The following FGF14 variants were observed in gnomAD, a reference collection of about 807,000 sequenced individuals.
FGF14 encodes the protein fibroblast growth factor homologous factor 4.
FGF14 carries 5 observed loss-of-function variants against 25.5 expected under a neutral mutation model. The ratio of observed to expected loss-of-function variants is 0.20; its 90% CI spans 0.10 to 0.41. The LOEUF is 0.41. Ranked by LOEUF, FGF14 falls within the 10% of genes least tolerant of loss-of-function variation. FGF14 has a pLI of 1.00. For missense variants in FGF14, 222 were observed against 320.1 expected (o/e 0.69, Z 2.34); for synonymous variants, 138 against 118.3 (o/e 1.17, Z -1.08).
chr13:102,096,999 ACTGT>A (rs1200118299), intron 1 of FGF14, among the ~76,000 whole-genome samples: 3 of 151,356 alleles, frequency 2.0e-5, no homozygotes, highest in African/African-American at 4.9e-5. Flanking sequence ...CAATGAAATA[ACTGT>A]CTGCTTCAGG....
chr13:102,129,254 AAAAG>A (rs370437878), intron 1 of FGF14, among the ~76,000 whole-genome samples: 262 of 152,036 alleles, frequency 1.7e-3, no homozygotes, highest in Non-Finnish European at 3.1e-3. Flanking sequence ...CATCTCAAAA[AAAAG>A]AAAGAAAGAA....
At chr13:102,073,279 A>G (rs896842988) in intron 1 of FGF14, among the ~76,000 whole-genome samples, 3 of 152,162 alleles carry the variant, frequency 2.0e-5, no homozygotes, top group Non-Finnish European at 4.4e-5. Flanking sequence ...AACAAAAATT[A>G]AATAAATTGT....
intron 3 of FGF14, among the ~76,000 whole-genome samples, chr13:101,776,197 A>C (rs2039092643): frequency 6.6e-6 from 1 of 152,170 alleles, no homozygotes; most frequent in Non-Finnish European, 1.5e-5. Context: ...TTTCTGCATC[A>C]TCTCTCTGAG....
chr13:102,364,104 A>T (rs550487653), intron 1 of FGF14, among the ~76,000 whole-genome samples: 55 of 152,336 alleles, frequency 3.6e-4, no homozygotes, highest in African/African-American at 1.3e-3. Context: ...CTACTTTTTT[A>T]TTATAAGGAA....
chr13:102,383,246 G>A (rs1247869173), intron 1 of FGF14, among the ~76,000 whole-genome samples: 1 of 151,940 alleles, frequency 6.6e-6, no homozygotes, highest in Non-Finnish European at 1.5e-5. Flanking sequence ...AAAAATAATT[G>A]TTATATCAAT....
intron 3 of FGF14, among the ~76,000 whole-genome samples, chr13:101,839,538 A>G (rs2140312163): frequency 6.6e-6 from 1 of 152,058 alleles, no homozygotes; most frequent in African/African-American, 2.4e-5. Context: ...TTGATTTGTA[A>G]TTTTTGTGGG....
intron 1 of FGF14, among the ~76,000 whole-genome samples, chr13:102,101,127 G>C (rs1293606623): frequency 6.6e-6 from 1 of 151,700 alleles, no homozygotes; most frequent in African/African-American, 2.4e-5. Flanking sequence ...AAAAAAAAAG[G>C]TAAAGTGACT....
chr13:102,328,715 T>A (rs1049264037), intron 1 of FGF14, among the ~76,000 whole-genome samples: 2 of 152,200 alleles, frequency 1.3e-5, no homozygotes, highest in African/African-American at 4.8e-5. Flanking sequence ...AGTATAAATA[T>A]CTTGTATAAA....
intron 3 of FGF14, among the ~76,000 whole-genome samples, chr13:101,831,191 G>T (rs187276315): frequency 6.6e-6 from 1 of 151,764 alleles, no homozygotes; most frequent in African/African-American, 2.4e-5. Flanking sequence ...AACATGTCAG[G>T]CACTTAGAAA....
At chr13:102,387,209 C>A (rs534255205) in intron 1 of FGF14, among the ~76,000 whole-genome samples, 1 of 152,200 alleles carries the variant, frequency 6.6e-6, no homozygotes, top group African/African-American at 2.4e-5. Context: ...AGTTACCTTC[C>A]TTAAAATATC....
At chr13:102,073,853 G>A (rs973236779) in intron 1 of FGF14, among the ~76,000 whole-genome samples, 1 of 152,206 alleles carries the variant, frequency 6.6e-6, no homozygotes, top group Non-Finnish European at 1.5e-5. Flanking sequence ...GGAGATGGGG[G>A]ATTCCCTGGA....
chr13:102,043,079 C>G (rs1026924695), intron 1 of FGF14, among the ~76,000 whole-genome samples: 3 of 152,184 alleles, frequency 2.0e-5, no homozygotes, highest in Non-Finnish European at 2.9e-5. Flanking sequence ...TCTTTGCATT[C>G]TAGCAAATAG....
chr13:101,812,358 T>A (rs2041558915), intron 3 of FGF14, among the ~76,000 whole-genome samples: 1 of 151,854 alleles, frequency 6.6e-6, no homozygotes, highest in Admixed American at 6.6e-5. Flanking sequence ...TGGTAAATAA[T>A]ACATCTTCAT....
chr13:102,034,151 G>A (rs954872947), intron 1 of FGF14, among the ~76,000 whole-genome samples: 2 of 152,042 alleles, frequency 1.3e-5, no homozygotes, highest in Non-Finnish European at 2.9e-5. Flanking sequence ...TGTTAATATA[G>A]AGGCTGCAAC....
chr13:102,185,236 G>GA (rs1402241903), intron 1 of FGF14, among the ~76,000 whole-genome samples: 2 of 151,720 alleles, frequency 1.3e-5, no homozygotes, highest in South Asian at 2.1e-4. Flanking sequence ...ATCATAATAA[G>GA]AAAAAAACAA....
chr13:102,256,490 CCT>C (rs1219249297), intron 1 of FGF14, among the ~76,000 whole-genome samples: 1 of 151,794 alleles, frequency 6.6e-6, no homozygotes, highest in Non-Finnish European at 1.5e-5. Flanking sequence ...AGAGCGAGAC[CCT>C]GTCTCAAAAA....
intron 1 of FGF14, among the ~76,000 whole-genome samples, chr13:102,161,656 A>AT (rs1566765329): frequency 0.06 from 1,562 of 26,222 alleles, 153 homozygotes; most frequent in East Asian, 0.28. Flanking sequence ...GAAGAAGAAG[A>AT]AGAAGAAGAA....
Position 101,914,302 on chromosome 13 carries a change from G to T in FGF14, c.193+2151C>A, listed in dbSNP as rs1174176487. Among the ~76,000 whole-genome samples the T allele has an allele frequency of 2.0e-5, 3 of 151,414 alleles. No individual in the cohort carries two copies. In the East Asian group the frequency reaches 5.8e-4, roughly 29 times the overall value. ...AATATTTGTTTTGCTTAAAATTAGT[G>T]ATACTAATAAATTAATCCTTTTCTG... On this transcript the variant is annotated intron_variant, in intron 1 of 4. Transcript: ENST00000376143.
intron 1 of FGF14, among the ~76,000 whole-genome samples, chr13:101,977,307 G>C (rs545160155): frequency 6.6e-6 from 1 of 151,870 alleles, no homozygotes; most frequent in Non-Finnish European, 1.5e-5. Context: ...CATATTTTTT[G>C]AAACATAGCC....
Sources: gnomAD v4.1 joint callset for allele counts (sites outside exome capture counted in the v4.1 genomes callset) on GRCh38, gnomAD v4.1.1 for gene constraint, MANE v1.5 for transcripts, NCBI Gene and HGNC (gene_info 2026-07-23, HGNC 2026-07-21) for gene names.